The following ARHGAP6 variants were observed in gnomAD, a reference collection of about 807,000 sequenced individuals.
The protein encoded by ARHGAP6 is rho GTPase-activating protein 6.
A neutral mutation model predicts 55.7 loss-of-function variants in ARHGAP6; 16 were observed. That is an observed-to-expected ratio of 0.29 (90% CI 0.19 to 0.44). The LOEUF is 0.44. Among genes scored for constraint, ARHGAP6 ranks in the 20% least tolerant of loss-of-function variants. The pLI, the probability that ARHGAP6 is intolerant of heterozygous loss-of-function variation, is 1.00. For missense variants in ARHGAP6, 698 were observed against 808.9 expected (o/e 0.86, Z 1.66); for synonymous variants, 382 against 360.9 (o/e 1.06, Z -0.66).
intron 2 of ARHGAP6, chrX:11,225,824 T>C (rs2047038016): frequency 7.1e-6 from 2 of 282,091 alleles, no homozygotes; most frequent in Admixed American, 5.0e-5. Flanking sequence ...TAGAAGACAG[T>C]CTGCTTGTTT....
chrX:11,411,861 C>T (rs377211697), intron 1 of ARHGAP6, among the ~76,000 whole-genome samples: 2 of 111,318 alleles, frequency 1.8e-5, no homozygotes, highest in East Asian at 2.8e-4. Context: ...CACCTGTAAA[C>T]TTACTGCGTT....
At chrX:11,426,762 T>G (rs888360152) in intron 1 of ARHGAP6, among the ~76,000 whole-genome samples, 1 of 109,356 alleles carries the variant, frequency 9.1e-6, no homozygotes, top group Non-Finnish European at 1.9e-5. Flanking sequence ...AAGAATATAC[T>G]CATCTAGTAT....
intron 9 of ARHGAP6, among the ~76,000 whole-genome samples, chrX:11,168,810 G>A (rs988259988): frequency 8.9e-6 from 1 of 112,116 alleles, no homozygotes; most frequent in Non-Finnish European, 1.9e-5. Context: ...GTTGTAGCAA[G>A]CAATGCAGTT....
chrX:11,454,518 T>C (rs998726508), intron 1 of ARHGAP6, among the ~76,000 whole-genome samples: 2 of 112,235 alleles, frequency 1.8e-5, no homozygotes, highest in African/African-American at 6.5e-5. Context: ...TCCAACAATC[T>C]GGCACTTGAA....
At chrX:11,255,751 T>G (rs939382961) in intron 1 of ARHGAP6, among the ~76,000 whole-genome samples, 1 of 111,209 alleles carries the variant, frequency 9.0e-6, no homozygotes, top group Non-Finnish European at 1.9e-5. Flanking sequence ...CATCAAAGAG[T>G]CAAAGCAAAG....
chrX:11,586,898 G>A (rs2051740658), intron 1 of ARHGAP6, among the ~76,000 whole-genome samples: 1 of 111,871 alleles, frequency 8.9e-6, no homozygotes, highest in Non-Finnish European at 1.9e-5. Context: ...TCCTTAGTTA[G>A]TTGTATTTCT....
chrX:11,434,952 T>A (rs1360777621), intron 1 of ARHGAP6, among the ~76,000 whole-genome samples: 5 of 112,007 alleles, frequency 4.5e-5, no homozygotes, highest in Non-Finnish European at 9.4e-5. Context: ...CGAAGAAAAC[T>A]GCTCCAAGCC....
At chrX:11,520,134 TA>T (rs2050899713) in intron 1 of ARHGAP6, among the ~76,000 whole-genome samples, 9 of 23,787 alleles carry the variant, frequency 3.8e-4, no homozygotes, top group African/African-American at 1.8e-3. Flanking sequence ...ATTGATTTTA[TA>T]TATATATATA....
chrX:11,657,771 C>G (rs1027484471), intron 1 of ARHGAP6, among the ~76,000 whole-genome samples: 5 of 111,050 alleles, frequency 4.5e-5, no homozygotes, highest in African/African-American at 1.6e-4. Flanking sequence ...GAAGGAAAAA[C>G]ACAGAACTGT....
intron 1 of ARHGAP6, among the ~76,000 whole-genome samples, chrX:11,594,651 C>A (rs1286116218): frequency 9.0e-6 from 1 of 111,166 alleles, no homozygotes; most frequent in African/African-American, 3.3e-5. Context: ...GGTGCATACT[C>A]CTTATGAGAA....
chrX:11,517,530 T>G (rs761308513), intron 1 of ARHGAP6, among the ~76,000 whole-genome samples: 34 of 111,494 alleles, frequency 3.0e-4, no homozygotes, highest in Non-Finnish European at 5.3e-4. Context: ...TCATGTCTAT[T>G]AAGAGAATGT....
Position 11,139,456 on chromosome X carries a change from G to T in ARHGAP6, c.2332C>A (p.Pro778Thr). 1 of 1,184,608 alleles carries T rather than the reference G, an allele frequency of 8.4e-7. No individual in the cohort carries two copies. The highest frequency in any genetic ancestry group is 1.1e-6 in the Non-Finnish European group (1 of 884,759). The change falls in exon 13 of 13, where the codon CCA (proline) becomes ACA (threonine). Residue 778 changes from proline to threonine, a missense_variant. Pro to Thr is a conservative substitution (Grantham distance 38, BLOSUM62 -1). Coordinates refer to ENST00000337414, the MANE Select transcript of ARHGAP6 (RefSeq NM_013427.3). ...PCSLSQGNLS[P>T]NWPRWQGSPA... ...CTCCCCTGCCACCGAGGCCAATTTG[G>T]GGACAGGTTCCCTTGAGAAAGGGAG...
chrX:11,316,519 A>C (rs1603065170), intron 1 of ARHGAP6, among the ~76,000 whole-genome samples: 1 of 112,677 alleles, frequency 8.9e-6, no homozygotes, highest in Admixed American at 9.4e-5. Context: ...CATTAAGCCA[A>C]TTAACATATG....
chrX:11,513,617 G>A (rs931933874), intron 1 of ARHGAP6, among the ~76,000 whole-genome samples: 2 of 110,868 alleles, frequency 1.8e-5, no homozygotes, highest in Non-Finnish European at 3.8e-5. Flanking sequence ...TGAGTTATTT[G>A]TCCAGTCTCT....
At chrX:11,563,414 C>T (rs1454084469) in intron 1 of ARHGAP6, among the ~76,000 whole-genome samples, 1 of 111,237 alleles carries the variant, frequency 9.0e-6, no homozygotes, top group Non-Finnish European at 1.9e-5. Flanking sequence ...ATGAAGAAAA[C>T]TCAGTATTAT....
intron 1 of ARHGAP6, among the ~76,000 whole-genome samples, chrX:11,380,024 C>T (rs770400341): frequency 9.0e-6 from 1 of 111,286 alleles, no homozygotes; most frequent in Non-Finnish European, 1.9e-5. Context: ...TGAAGAGAGA[C>T]CCATATAAAA....
At chrX:11,281,768 AATGAATTT>A (rs1280926277) in intron 1 of ARHGAP6, among the ~76,000 whole-genome samples, 2 of 111,864 alleles carry the variant, frequency 1.8e-5, no homozygotes, top group African/African-American at 6.5e-5. Flanking sequence ...GACACTGCCT[AATGAATTT>A]TTATAGTGTT....
chrX:11,580,500 G>A (rs1049650377), intron 1 of ARHGAP6, among the ~76,000 whole-genome samples: 5 of 111,936 alleles, frequency 4.5e-5, no homozygotes, highest in Admixed American at 9.5e-5. Context: ...GAAGGAGACT[G>A]TGTCTCAAAC....
chrX:11,349,620 C>A (rs759595832), intron 1 of ARHGAP6, among the ~76,000 whole-genome samples: 1 of 111,850 alleles, frequency 8.9e-6, no homozygotes, highest in Non-Finnish European at 1.9e-5. Flanking sequence ...TATGTTGAGG[C>A]ATCCACTGAA....
Sources: gnomAD v4.1 joint callset for allele counts (sites outside exome capture counted in the v4.1 genomes callset) on GRCh38, gnomAD v4.1.1 for gene constraint, MANE v1.5 for transcripts, NCBI Gene and HGNC (gene_info 2026-07-23, HGNC 2026-07-21) for gene names.